SOX6: variants seen among roughly 807,000 people sequenced by gnomAD.
SOX6 encodes the protein SRY-box transcription factor 6.
SOX6 carries 11 observed loss-of-function variants against 97.8 expected under a neutral mutation model. That is an observed-to-expected ratio of 0.11 (90% CI 0.07 to 0.19). SOX6 has a LOEUF of 0.19. Among genes scored for constraint, SOX6 ranks in the 10% least tolerant of loss-of-function variants. SOX6 has a pLI of 1.00. For missense variants in SOX6, 810 were observed against 1,039.5 expected (o/e 0.78, Z 3.04); for synonymous variants, 360 against 371.4 (o/e 0.97, Z 0.35).
upstream of SOX6, among the ~76,000 whole-genome samples, chr11:16,479,505 G>A (rs561720921): frequency 1.9e-4 from 28 of 150,812 alleles, no homozygotes; most frequent in Non-Finnish European, 3.4e-4. Flanking sequence ...ACTCCAACCC[G>A]GGCAACGGAG....
chr11:15,982,250 T>C (rs1853678439), intron 15 of SOX6, among the ~76,000 whole-genome samples: 1 of 152,078 alleles, frequency 6.6e-6, no homozygotes, highest in Non-Finnish European at 1.5e-5. Flanking sequence ...TTACTAGCTG[T>C]GTGGCCCTAC....
At chr11:16,461,668 A>T (rs183809739) in intron 1 of SOX6, among the ~76,000 whole-genome samples, 435 of 152,150 alleles carry the variant, frequency 2.9e-3, no homozygotes, top group Non-Finnish European at 4.2e-3. Context: ...GAACATGAAA[A>T]AGTCATTTCT....
At chr11:16,260,406 G>A (rs2134212889) in intron 3 of SOX6, among the ~76,000 whole-genome samples, 1 of 152,124 alleles carries the variant, frequency 6.6e-6, no homozygotes, top group African/African-American at 2.4e-5. Context: ...TTTTTTTAAA[G>A]TTACTTCCCC....
At chr11:16,110,666 CCA>C (rs902781519) in intron 7 of SOX6, among the ~76,000 whole-genome samples, 1 of 152,072 alleles carries the variant, frequency 6.6e-6, no homozygotes, top group Non-Finnish European at 1.5e-5. Flanking sequence ...TCGTGTTTTG[CCA>C]CAGACATCCT....
rs565964365 is a variant in SOX6, at chr11:16,469,075, C to T, written c.-5+7240G>A. ...TAAAGAACAGAGGAACTTGGTACAG[C>T]GAAAAAAAAAAAAGTAATAAAGTGT... On this transcript the variant is annotated intron_variant, in intron 1 of 15. Transcript: ENST00000396356. Among the ~76,000 whole-genome samples the T allele has an allele frequency of 2.9e-4, 40 of 135,610 alleles. 1 individual carries two copies. The highest frequency in any genetic ancestry group is 9.4e-4 in the African/African-American group (33 of 34,952). The allele number at this position is 135,610 out of a possible 152,430, so 89.0% of individuals were successfully genotyped here.
chr11:16,650,670 A>G (rs1212835482), intron 3 of SOX6, among the ~76,000 whole-genome samples: 1 of 152,182 alleles, frequency 6.6e-6, no homozygotes, highest in Non-Finnish European at 1.5e-5. Context: ...TACATCAAAA[A>G]GTCTGAAAGA....
intron 15 of SOX6, among the ~76,000 whole-genome samples, chr11:15,983,244 T>C (rs752299347): frequency 2.0e-5 from 3 of 152,048 alleles, no homozygotes; most frequent in Admixed American, 2.0e-4. Context: ...AATAATCTTA[T>C]CCAGATTATT....
intron 3 of SOX6, among the ~76,000 whole-genome samples, chr11:16,676,625 C>G (rs916244434): frequency 6.6e-6 from 1 of 152,064 alleles, no homozygotes; most frequent in African/African-American, 2.4e-5. Flanking sequence ...AGTCTGTATT[C>G]TTCGTCACAT....
intron 4 of SOX6, among the ~76,000 whole-genome samples, chr11:16,500,881 T>C (rs562601286): frequency 2.0e-5 from 3 of 152,280 alleles, no homozygotes; most frequent in Non-Finnish European, 2.9e-5. Context: ...ATGGCCATAC[T>C]GCCCAAGGTA....
rs1564875153 is a variant in SOX6 at position 16,713,448 on chromosome 11, C to T, written n.429+1382G>A. On this transcript the variant is annotated intron_variant and non_coding_transcript_variant, in intron 3 of 5. Coordinates refer to the SOX6 transcript ENST00000524520. ...ATATGGATAATACATTCAGAATATG[C>T]CTGCTTAGAGAAATCATACATGTGC... is the stretch of plus-strand genomic sequence containing the variant. 2.0e-5 allele frequency among the ~76,000 whole-genome samples: 3 copies of T among 151,814 alleles called. No individual in the cohort carries two copies. The South Asian group carries it at 6.3e-4, about 32-fold the overall frequency.
chr11:16,214,990 A>G (rs1852332996), intron 4 of SOX6, among the ~76,000 whole-genome samples: 1 of 152,048 alleles, frequency 6.6e-6, no homozygotes, highest in African/African-American at 2.4e-5. Flanking sequence ...TCTCATGATC[A>G]GCTGACCTCG....
intron 9 of SOX6, 61 bp downstream of exon 9, chr11:16,095,931 AGCCT>A: frequency 6.6e-7 from 1 of 1,505,284 alleles, no homozygotes; most frequent in Admixed American, 2.0e-5. Flanking sequence ...AAAAAAAAAA[AGCCT>A]AGAGTATGAC....
intron 3 of SOX6, among the ~76,000 whole-genome samples, chr11:16,236,513 G>GC (rs934645094): frequency 6.6e-6 from 1 of 151,288 alleles, no homozygotes; most frequent in Non-Finnish European, 1.5e-5. Flanking sequence ...ACCCAATTCT[G>GC]TTTTTTTTAG....
In SOX6 at chr11:16,511,716, G is replaced by A. The variant is rs187412208; in HGVS notation, n.610-35328C>T. Among the ~76,000 whole-genome samples the A allele has an allele frequency of 8.5e-5, 13 of 152,226 alleles. No homozygotes were observed. In the East Asian group the frequency reaches 2.5e-3, roughly 29 times the overall value. ...AAACTTAAGCTACACTTGCCTCACAGTGTTTACCTTGAAATAAGACTATTA... is the reference window on the plus strand; with the variant it reads ...AAACTTAAGCTACACTTGCCTCACAATGTTTACCTTGAAATAAGACTATTA... On this transcript the variant is annotated intron_variant and non_coding_transcript_variant, in intron 4 of 5. Coordinates refer to the SOX6 transcript ENST00000524520.
chr11:16,520,302 GT>G (rs1257011575), intron 4 of SOX6, among the ~76,000 whole-genome samples: 2 of 152,152 alleles, frequency 1.3e-5, no homozygotes, highest in African/African-American at 4.8e-5. Flanking sequence ...TGTTTCCTAA[GT>G]TTTCTTCCAG....
intron 2 of SOX6, among the ~76,000 whole-genome samples, chr11:16,336,535 C>G (rs1293001685): frequency 3.3e-5 from 5 of 152,148 alleles, no homozygotes; most frequent in Non-Finnish European, 7.3e-5. Context: ...TCACCTGCAC[C>G]ACTGCAATGG....
intron 3 of SOX6, among the ~76,000 whole-genome samples, chr11:16,666,015 G>T (rs1470218734): frequency 6.6e-6 from 1 of 152,152 alleles, no homozygotes; most frequent in Non-Finnish European, 1.5e-5. Context: ...AGATACAGAT[G>T]CAGTGACCAA....
chr11:16,270,692 AG>A (rs1193493728), intron 3 of SOX6, among the ~76,000 whole-genome samples: 2 of 151,000 alleles, frequency 1.3e-5, no homozygotes, highest in Non-Finnish European at 3.0e-5. Context: ...AGCCATAAGA[AG>A]GAGTGTAGTT....
At chr11:16,499,075 A>G (rs1860658371) in intron 4 of SOX6, among the ~76,000 whole-genome samples, 1 of 152,238 alleles carries the variant, frequency 6.6e-6, no homozygotes, top group Non-Finnish European at 1.5e-5. Context: ...ACTCCGCAGC[A>G]AATGTAAAAG....
Sources: gnomAD v4.1 joint callset for allele counts (sites outside exome capture counted in the v4.1 genomes callset) on GRCh38, gnomAD v4.1.1 for gene constraint, MANE v1.5 for transcripts, NCBI Gene and HGNC (gene_info 2026-07-23, HGNC 2026-07-21) for gene names.